The following CCDC88C variants were observed in gnomAD, a reference collection of about 807,000 sequenced individuals.
CCDC88C encodes the protein coiled-coil and HOOK domain protein 88C.
In CCDC88C, 131 loss-of-function variants were observed where a neutral mutation model predicts 198.8. The observed-to-expected ratio is 0.66, with a 90% CI of 0.57 to 0.76. The LOEUF (loss-of-function observed/expected upper bound fraction) is 0.76. Ranked by LOEUF, CCDC88C falls within the 30% of genes least tolerant of loss-of-function variation. CCDC88C has a pLI of 0.00. For synonymous variants in CCDC88C, 1,166 were observed against 1,114.7 expected (o/e 1.05, Z -0.92); for missense variants, 2,553 against 2,631.6 (o/e 0.97, Z 0.65).
At chr14:91,403,471 C>A (rs573518850) in intron 3 of CCDC88C, among the ~76,000 whole-genome samples, 1 of 152,346 alleles carries the variant, frequency 6.6e-6, no homozygotes, top group East Asian at 1.9e-4. Context: ...CCAGGCACAA[C>A]CCCAGAGCAC....
chr14:91,358,545 C>T lies in CCDC88C; in HGVS notation c.340+1097G>A, dbSNP rs147864670. Among the ~76,000 whole-genome samples, 6 of 152,348 alleles carry T rather than the reference C, an allele frequency of 3.9e-5. No individual in the cohort carries two copies. In the East Asian group the frequency reaches 1.2e-3, roughly 29 times the overall value. On this transcript the variant is annotated intron_variant, in intron 4 of 29. Transcript: ENST00000389857. ...CACCAGCTATGGGTGCAGGTAAACA[C>T]ACACAGGTGAAAGGGACGCAAGGCA...
Position 91,288,099 on chromosome 14 carries a change from C to G in CCDC88C, c.4441+1006G>C, listed in dbSNP as rs182700368. On this transcript the variant is annotated intron_variant, in intron 25 of 29. Transcript: ENST00000389857. This position sits in a 1 kb window ranked among gnomAD's most constrained non-coding sequence, Gnocchi z 4.2. ...TCCTTTTACGTGTGTGTACAAAAATCGAATTCTTATTTAGAAAAGCTCTTT... is the reference window on the plus strand; with the variant it reads ...TCCTTTTACGTGTGTGTACAAAAATGGAATTCTTATTTAGAAAAGCTCTTT... Among the ~76,000 whole-genome samples, 9 of 152,144 alleles carry G rather than the reference C, an allele frequency of 5.9e-5. No individual in the cohort carries two copies. The highest frequency in any genetic ancestry group is 5.9e-4 in the Admixed American group (9 of 15,278).
intron 3 of CCDC88C, among the ~76,000 whole-genome samples, chr14:91,370,552 C>A (rs1894745181): frequency 6.6e-6 from 1 of 152,212 alleles, no homozygotes; most frequent in Non-Finnish European, 1.5e-5. Context: ...GGGCGGGGGG[C>A]AGCCCCAGAA....
chr14:91,313,016 G>T lies in CCDC88C; in HGVS notation c.2736+64C>A. 8.0e-7 allele frequency: 1 copy of T among 1,242,988 alleles called. No homozygotes were observed. Among genetic ancestry groups the T allele is most frequent in the Non-Finnish European group, 1.1e-6 (1 of 889,342 alleles). 77.0% of individuals were successfully genotyped at this position (1,242,988 alleles called of 1,614,324 possible). On this transcript the variant is annotated intron_variant, in intron 15 of 29. Transcript: ENST00000389857. This position sits in a 1 kb window ranked among gnomAD's most constrained non-coding sequence, Gnocchi z 5.2. ...AGTCTTATTTCTCTCCTGAAACCAT[G>T]CACCACAGAACCCACTACCACCATC...
At chr14:91,368,376 A>G (rs1567102669) in intron 3 of CCDC88C, among the ~76,000 whole-genome samples, 1 of 152,260 alleles carries the variant, frequency 6.6e-6, no homozygotes, top group Non-Finnish European at 1.5e-5. Flanking sequence ...TTTCCATTAG[A>G]ACTTGTGTAA....
Position 91,274,160 on chromosome 14 carries a change from A to AC in CCDC88C, c.5059-508dup, listed in dbSNP as rs1227195456. Among the ~76,000 whole-genome samples, 3 of 131,764 alleles carry AC rather than the reference A, an allele frequency of 2.3e-5. No individual in the cohort carries two copies. In the Admixed American group the frequency reaches 2.6e-4, roughly 11 times the overall value. 86.4% of individuals were successfully genotyped at this position (131,764 alleles called of 152,430 possible). ...CGCCGGAACCTTCACTGCCACTCAG[A>AC]CCTCTCTCTGGGCCCGAGAAAGAGA... On this transcript the variant is annotated intron_variant, in intron 29 of 29. Coordinates refer to ENST00000389857, the MANE Select transcript of CCDC88C (RefSeq NM_001080414.4).
chr14:91,302,296 C>T (rs1360633383), intron 20 of CCDC88C, among the ~76,000 whole-genome samples: 1 of 152,208 alleles, frequency 6.6e-6, no homozygotes, highest in Non-Finnish European at 1.5e-5. Flanking sequence ...ATCAGCAGGG[C>T]CATTTCCCAG....
intron 20 of CCDC88C, among the ~76,000 whole-genome samples, chr14:91,300,890 G>C (rs74084727): frequency 0.011 from 1,666 of 152,246 alleles, 39 homozygotes; most frequent in African/African-American, 0.038. Context: ...AGAAGTCTGA[G>C]GCACAGTCTC....
chr14:91,308,272 C>T, intron 17 of CCDC88C, 79 bp downstream of exon 17: 2 of 1,552,214 alleles, frequency 1.3e-6, no homozygotes, highest in Admixed American at 1.8e-5. Context: ...GGCCACCCCA[C>T]TGCTATACAG....
intron 4 of CCDC88C, among the ~76,000 whole-genome samples, chr14:91,345,186 ATATATTTT>A (rs1893487177): frequency 1.4e-5 from 1 of 72,482 alleles, no homozygotes; most frequent in African/African-American, 5.6e-5. Context: ...ATATATATAT[ATATATTTT>A]TTTTTTTTTT....
intron 3 of CCDC88C, among the ~76,000 whole-genome samples, chr14:91,401,398 G>A (rs1293909103): frequency 6.7e-6 from 1 of 148,632 alleles, no homozygotes; most frequent in Non-Finnish European, 1.5e-5. Flanking sequence ...GTAGCGGCAC[G>A]ATCTTGGCTC....
intron 3 of CCDC88C, among the ~76,000 whole-genome samples, chr14:91,400,744 C>A (rs1016487233): frequency 1.3e-5 from 2 of 152,166 alleles, no homozygotes; most frequent in Admixed American, 1.3e-4. Flanking sequence ...TTTTAACCAA[C>A]ACAATCACAA....
chr14:91,404,233 G>C (rs2038823146), intron 3 of CCDC88C, among the ~76,000 whole-genome samples: 4 of 152,128 alleles, frequency 2.6e-5, no homozygotes, highest in Admixed American at 6.6e-5. Context: ...CCCCTTCTCA[G>C]CTACCCCCTC....
rs1891059318 is a variant in CCDC88C, at chr14:91,297,445, G to A, written c.3826C>T (p.His1276Tyr). 6.3e-7 allele frequency: 1 copy of A among 1,586,252 alleles called. No homozygotes were observed. The change falls in exon 22 of 30, where the codon CAC becomes TAC. Residue 1276 changes from histidine (H) to tyrosine (Y), a missense_variant. His to Tyr is a moderately conservative substitution (Grantham distance 83). This residue lies in a region of CCDC88C where 1,293 missense variants were observed against 1,219.6 expected (regional missense o/e 1.06). Transcript: ENST00000389857. ...HQLKGEYEEL[H>Y]AHTKELKTSL... Reference sequence around the variant, plus strand: ...GTTTTCAGCTCCTTGGTGTGGGCGTGCAGCTCCTCGTACTCCCCCTTCAGC... The same window carrying A: ...GTTTTCAGCTCCTTGGTGTGGGCGTACAGCTCCTCGTACTCCCCCTTCAGC...
chr14:91,330,204 G>A (rs1394045808), intron 10 of CCDC88C, among the ~76,000 whole-genome samples: 1 of 152,252 alleles, frequency 6.6e-6, no homozygotes, highest in Non-Finnish European at 1.5e-5. Flanking sequence ...CCTGCAGTCA[G>A]GAGGGGTTTC....
At chr14:91,403,319 G>A (rs1367034433) in intron 3 of CCDC88C, among the ~76,000 whole-genome samples, 4 of 152,208 alleles carry the variant, frequency 2.6e-5, no homozygotes, top group Admixed American at 6.5e-5. Flanking sequence ...ACAACACACA[G>A]GGAATGTATC....
rs745992611 is a variant in CCDC88C at position 91,313,671 on chromosome 14, G to A, written c.2145C>T (p.Thr715=). 8 of 1,612,136 alleles carry A rather than the reference G, an allele frequency of 5.0e-6. No individual in the cohort carries two copies. In the Admixed American group the frequency reaches 1.0e-4, roughly 20 times the overall value. The change falls in exon 15 of 30, where the codon ACC becomes ACT. Residue 715 remains threonine, a synonymous_variant. Coordinates refer to ENST00000389857, the MANE Select transcript of CCDC88C (RefSeq NM_001080414.4). The surrounding 1 kb of genome is among the most constrained non-coding windows in gnomAD (Gnocchi z 5.2). ...ENLELRRLVE[T]MRFTSTKLAQ... is the part of the protein sequence containing the mutation. ...CCAGCTTGGTGCTGGTGAAGCGCAT[G>A]GTCTCCACCAGCCTGCGCAGCTCCA...
Position 91,324,766 on chromosome 14 carries a change from A to G in CCDC88C, c.1342+13T>C. 6.2e-7 allele frequency: 1 copy of G among 1,608,386 alleles called. No individual in the cohort carries two copies. Among genetic ancestry groups the G allele is most frequent in the Non-Finnish European group, 8.5e-7 (1 of 1,179,622 alleles). On this transcript the variant is annotated intron_variant, in intron 12 of 29. Coordinates refer to ENST00000389857, the MANE Select transcript of CCDC88C (RefSeq NM_001080414.4). ...ACGGCCAGGCTGGCTCCCCGGCACC[A>G]GGCGCTACCTACCGTCTGACAAGTC...
chr14:91,292,874 A>G (rs1476312331), intron 23 of CCDC88C, among the ~76,000 whole-genome samples: 1 of 152,174 alleles, frequency 6.6e-6, no homozygotes, highest in East Asian at 1.9e-4. Context: ...GCCCTGCCAG[A>G]GTAGTATCCC....
Sources: gnomAD v4.1 joint callset for allele counts (sites outside exome capture counted in the v4.1 genomes callset) on GRCh38, gnomAD v4.1.1 for gene constraint, gnomAD v4.1.1 regional missense constraint, Gnocchi (gnomAD v3.1) non-coding constraint, MANE v1.5 for transcripts, NCBI Gene and HGNC (gene_info 2026-07-23, HGNC 2026-07-21) for gene names.